Variants in DHX30 observed in about 807,000 individuals in gnomAD.
The protein encoded by DHX30 is DExH-box helicase 30.
A neutral mutation model predicts 116.9 loss-of-function variants in DHX30; 4 were observed. The ratio of observed to expected loss-of-function variants is 0.03; its 90% CI spans 0.02 to 0.08. The LOEUF is 0.08. Among genes scored for constraint, DHX30 ranks in the 10% least tolerant of loss-of-function variants. DHX30 has a pLI of 1.00. For missense variants in DHX30, 871 were observed against 1,595.1 expected (o/e 0.55, Z 7.73); for synonymous variants, 697 against 651.7 (o/e 1.07, Z -1.06).
chr3:47,849,613 A>G lies in DHX30; in HGVS notation c.3192-17A>G, dbSNP rs754955605. On this transcript the variant is annotated splice_polypyrimidine_tract_variant and intron_variant, in intron 20 of 21. Coordinates refer to ENST00000445061, the MANE Select transcript of DHX30 (RefSeq NM_138615.3). ...GATGGTCCAAAAGGGTGGCCTCACC[A>G]GCCCTGTGTTCCCTAGGGAGGCCAC... 5 of 1,614,166 alleles carry G rather than the reference A, an allele frequency of 3.1e-6. No individual in the cohort carries two copies. The highest frequency in any genetic ancestry group is 4.2e-6 in the Non-Finnish European group (5 of 1,179,990).
chr3:47,819,527 T>C (rs1234505084), intron 4 of DHX30, among the ~76,000 whole-genome samples: 1 of 152,136 alleles, frequency 6.6e-6, no homozygotes, highest in Non-Finnish European at 1.5e-5. Context: ...CATTTTGCCT[T>C]CTCTCTCTCA....
intron 6 of DHX30, among the ~76,000 whole-genome samples, chr3:47,839,543 C>G (rs1421526134): frequency 6.6e-6 from 1 of 152,072 alleles, no homozygotes; most frequent in Non-Finnish European, 1.5e-5. Flanking sequence ...ATCCGCCCAC[C>G]TCGGCCTCCC....
intron 8 of DHX30, chr3:47,842,538 G>T (rs2037426015): frequency 6.6e-6 from 1 of 152,306 alleles, no homozygotes; most frequent in African/African-American, 2.4e-5. Flanking sequence ...TTTTACTTCT[G>T]TAGAATTATT....
intron 3 of DHX30, among the ~76,000 whole-genome samples, chr3:47,812,571 A>T (rs1252457611): frequency 6.6e-6 from 1 of 151,706 alleles, no homozygotes; most frequent in African/African-American, 2.4e-5. Flanking sequence ...AAAAAAAAAA[A>T]GATTTCATGA....
rs992881358 is a variant in DHX30 at position 47,847,637 on chromosome 3, CA to C, written c.2110+103del. On this transcript the variant is annotated intron_variant, in intron 13 of 21. Transcript: ENST00000445061. This position sits in a 1 kb window ranked among gnomAD's most constrained non-coding sequence, Gnocchi z 5.5. Reference sequence around the variant, plus strand: ...GACTCCAGGGGCCCCGGTTTCTGACCAAGCTGTGGCACTTTTCACTGGGCAT... The same window carrying C: ...GACTCCAGGGGCCCCGGTTTCTGACCAGCTGTGGCACTTTTCACTGGGCAT... 183 of 1,451,644 alleles carry C rather than the reference CA, an allele frequency of 1.3e-4. No homozygotes were observed. Among genetic ancestry groups the C allele is most frequent in the Middle Eastern group, 7.1e-4 (3 of 4,234 alleles). 89.9% of individuals were successfully genotyped at this position (1,451,644 alleles called of 1,614,324 possible).
At chr3:47,836,629 C>T (rs972878123) in intron 6 of DHX30, among the ~76,000 whole-genome samples, 1 of 152,114 alleles carries the variant, frequency 6.6e-6, no homozygotes, top group African/African-American at 2.4e-5. Flanking sequence ...AGCGATTCTC[C>T]TGCCTCAGCC....
chr3:47,811,484 C>T (rs1049412847), intron 3 of DHX30, among the ~76,000 whole-genome samples: 1 of 152,170 alleles, frequency 6.6e-6, no homozygotes, highest in African/African-American at 2.4e-5. Flanking sequence ...GCATTTCGCA[C>T]ATAGTAGGCC....
In DHX30 at chr3:47,843,100, A is replaced by T; in HGVS notation, c.790-6A>T. On this transcript the variant is annotated splice_region_variant and splice_polypyrimidine_tract_variant and intron_variant, in intron 8 of 21. Transcript: ENST00000445061. ...TCTGTAACCATCTCTCTTGCCTTCC[A>T]TGTAGAACCTCATGCAGTTCCATAC... 1 of 1,614,076 alleles carries T rather than the reference A, an allele frequency of 6.2e-7. No individual in the cohort carries two copies. Among genetic ancestry groups the T allele is most frequent in the Non-Finnish European group, 8.5e-7 (1 of 1,179,948 alleles).
At chr3:47,837,316 G>T (rs2037167859) in intron 6 of DHX30, among the ~76,000 whole-genome samples, 1 of 152,228 alleles carries the variant, frequency 6.6e-6, no homozygotes. Context: ...ATTTGATCCT[G>T]TGGCTGCCAG....
At chr3:47,815,002 G>A (rs116534144) in intron 3 of DHX30, among the ~76,000 whole-genome samples, 1,661 of 152,050 alleles carry the variant, frequency 0.011, 29 homozygotes, top group African/African-American at 0.037. Flanking sequence ...GGGACTACAG[G>A]TGTGAGCCAC....
At chr3:47,820,904 CTCTT>C (rs982567810) in intron 4 of DHX30, among the ~76,000 whole-genome samples, 3 of 142,052 alleles carry the variant, frequency 2.1e-5, no homozygotes, top group African/African-American at 7.5e-5. Flanking sequence ...GTAAGGCTCT[CTCTT>C]TTTTTTTTTT....
chr3:47,806,773 A>G (rs1056219797), intron 2 of DHX30, among the ~76,000 whole-genome samples: 1 of 151,502 alleles, frequency 6.6e-6, no homozygotes. Context: ...TTGTATTTTT[A>G]GTAGAGACAG....
chr3:47,830,458 T>A (rs901374125), intron 6 of DHX30, among the ~76,000 whole-genome samples: 16 of 151,516 alleles, frequency 1.1e-4, no homozygotes, highest in East Asian at 5.9e-4. Context: ...AAAAAAAAAA[T>A]AATAATAAAT....
intron 6 of DHX30, among the ~76,000 whole-genome samples, chr3:47,835,095 C>T (rs2037042200): frequency 6.6e-6 from 1 of 152,008 alleles, no homozygotes; most frequent in African/African-American, 2.4e-5. Flanking sequence ...CCTCTGCCTC[C>T]TGGGTTCAAG....
At chr3:47,819,142 G>T in intron 4 of DHX30, 2 of 1,117,160 alleles carry the variant, frequency 1.8e-6, no homozygotes, top group South Asian at 2.4e-5. Flanking sequence ...ATTTGACTTA[G>T]GTTTTAAAGA....
chr3:47,848,763 C>T lies in DHX30; in HGVS notation c.2715C>T (p.Cys905=). ...ACCCACTACTGGTGGTCGTTTCCTG[C>T]CTCACCCGGGACCCCTTCAGCAGCA... ...CLHPLLVVVS[C]LTRDPFSSSL... The change falls in exon 17 of 22, where the codon TGC becomes TGT. Residue 905 remains cysteine, a synonymous_variant. Coordinates refer to ENST00000445061, the MANE Select transcript of DHX30 (RefSeq NM_138615.3). This position sits in a 1 kb window ranked among gnomAD's most constrained non-coding sequence, Gnocchi z 9.4. 1 of 1,614,142 alleles carries T rather than the reference C, an allele frequency of 6.2e-7. No individual in the cohort carries two copies. Among genetic ancestry groups the T allele is most frequent in the Non-Finnish European group, 8.5e-7 (1 of 1,179,996 alleles).
rs759849966 is a variant in DHX30, at chr3:47,847,261, C to T, written c.1930-12C>T. On this transcript the variant is annotated splice_polypyrimidine_tract_variant and intron_variant, in intron 11 of 21. Coordinates refer to ENST00000445061, the MANE Select transcript of DHX30 (RefSeq NM_138615.3). The surrounding 1 kb of genome is among the most constrained non-coding windows in gnomAD (Gnocchi z 5.5). ...CGGGGCTGTGACTGTGGCCTCTCTTCCCCCACCCCAGTCTGAGGATGAATG... is the reference window on the plus strand; with the variant it reads ...CGGGGCTGTGACTGTGGCCTCTCTTTCCCCACCCCAGTCTGAGGATGAATG... 1.2e-6 allele frequency: 2 copies of T among 1,614,230 alleles called. No homozygotes were observed. Among genetic ancestry groups the T allele is most frequent in the Non-Finnish European group, 1.7e-6 (2 of 1,180,030 alleles).
chr3:47,849,986 C>T lies in DHX30; in HGVS notation c.3451C>T (p.Arg1151Trp), dbSNP rs778383991. The T allele has an allele frequency of 2.5e-6, 4 of 1,612,410 alleles. No homozygotes were observed. Among genetic ancestry groups the T allele is most frequent in the Middle Eastern group, 1.6e-4 (1 of 6,062 alleles). Residue 1151 changes from arginine (R) to tryptophan (W), a missense_variant, in exon 22 of 22, where the codon CGG becomes TGG. Arg to Trp is a moderately radical substitution (Grantham distance 101). Coordinates refer to ENST00000445061, the MANE Select transcript of DHX30 (RefSeq NM_138615.3). ...GCGGGCCCTGGGCCGCATGGTGGAG[C>T]GGAGCCTGCGCAGCGAGCTGGCTGC... ...LRRALGRMVERSLRSELAALP... is the reference protein window; with the variant it reads ...LRRALGRMVEWSLRSELAALP...
At chr3:47,849,398 C>T in intron 19 of DHX30, 49 bp downstream of exon 19, 1 of 1,584,438 alleles carries the variant, frequency 6.3e-7, no homozygotes, top group Non-Finnish European at 8.6e-7. Flanking sequence ...AGCCTCCTTC[C>T]CTGTCTGCAG....
Sources: gnomAD v4.1 joint callset for allele counts (sites outside exome capture counted in the v4.1 genomes callset) on GRCh38, gnomAD v4.1.1 for gene constraint, Gnocchi (gnomAD v3.1) non-coding constraint, MANE v1.5 for transcripts, NCBI Gene and HGNC (gene_info 2026-07-23, HGNC 2026-07-21) for gene names.